NKAIN2: variants seen among roughly 807,000 people sequenced by gnomAD.
NKAIN2 encodes the protein sodium/potassium transporting ATPase interacting 2.
Under a neutral mutation model 32.6 loss-of-function variants are expected in NKAIN2, and 14 were observed. That is an observed-to-expected ratio of 0.43 (90% CI 0.28 to 0.67). The LOEUF (loss-of-function observed/expected upper bound fraction) is 0.67, where lower values mean the gene tolerates loss of function less well. Among genes scored for constraint, NKAIN2 ranks in the 30% least tolerant of loss-of-function variants. The pLI is 0.17. For synonymous variants in NKAIN2, 80 were observed against 87.2 expected, an observed-to-expected ratio of 0.92 and a Z score of 0.46; for missense variants, 198 against 258.3, an observed-to-expected ratio of 0.77 and a Z score of 1.60.
intron 4 of NKAIN2, among the ~76,000 whole-genome samples, chr6:124,675,950 A>G (rs1434053889): frequency 1.3e-5 from 2 of 151,076 alleles, no homozygotes; most frequent in African/African-American, 4.9e-5. Context: ...TTCTTTTTTA[A>G]TGTATGCATT....
intron 3 of NKAIN2, among the ~76,000 whole-genome samples, chr6:124,364,482 A>C (rs1337900143): frequency 6.6e-6 from 1 of 152,082 alleles, no homozygotes; most frequent in Non-Finnish European, 1.5e-5. Context: ...GAAACATTAA[A>C]AATCTAAATC....
At chr6:124,305,204 T>G (rs1796460507) in intron 2 of NKAIN2, among the ~76,000 whole-genome samples, 1 of 152,154 alleles carries the variant, frequency 6.6e-6, no homozygotes, top group East Asian at 1.9e-4. Flanking sequence ...TAAAAAATGT[T>G]TACAAGTGAC....
intron 1 of NKAIN2, among the ~76,000 whole-genome samples, chr6:124,213,421 A>G (rs1359884111): frequency 6.6e-6 from 1 of 152,104 alleles, no homozygotes; most frequent in Non-Finnish European, 1.5e-5. Flanking sequence ...TGTGCTTTCA[A>G]AACTGCACTA....
intron 3 of NKAIN2, among the ~76,000 whole-genome samples, chr6:124,528,487 A>C (rs1779402239): frequency 6.6e-6 from 1 of 152,194 alleles, no homozygotes; most frequent in South Asian, 2.1e-4. Context: ...CTTGAAGATA[A>C]TTGACTGTCA....
chr6:124,219,813 A>G (rs1190124224), intron 1 of NKAIN2, among the ~76,000 whole-genome samples: 1 of 152,152 alleles, frequency 6.6e-6, no homozygotes, highest in Non-Finnish European at 1.5e-5. Flanking sequence ...GTTTATTCCT[A>G]TATCCTTATA....
At chr6:124,574,428 G>A (rs1781252142) in intron 3 of NKAIN2, among the ~76,000 whole-genome samples, 1 of 152,074 alleles carries the variant, frequency 6.6e-6, no homozygotes, top group Admixed American at 6.5e-5. Flanking sequence ...GACCAGCCTG[G>A]CCAACGTGGC....
intron 1 of NKAIN2, among the ~76,000 whole-genome samples, chr6:123,862,028 C>T (rs1479134775): frequency 1.3e-5 from 2 of 152,142 alleles, no homozygotes; most frequent in Non-Finnish European, 1.5e-5. Context: ...ATTATTATTA[C>T]TACCACTGAC....
intron 1 of NKAIN2, among the ~76,000 whole-genome samples, chr6:123,886,382 A>G (rs181521636): frequency 6.6e-6 from 1 of 152,276 alleles, no homozygotes; most frequent in East Asian, 1.9e-4. Context: ...GAAGAATAGT[A>G]AAGAAGCACA....
At chr6:124,804,379 G>C (rs751871901) in intron 5 of NKAIN2, 26 of 331,414 alleles carry the variant, frequency 7.8e-5, no homozygotes, top group Non-Finnish European at 1.0e-4. Context: ...AGAACCAAAA[G>C]CTTAAAGTGA....
chr6:124,490,809 G>A (rs1415076), intron 3 of NKAIN2, among the ~76,000 whole-genome samples: 11,018 of 151,776 alleles, frequency 0.073, 424 homozygotes, highest in East Asian at 0.15. Flanking sequence ...TTATCTTCCT[G>A]TAAATGAGAG....
chr6:123,890,703 G>T (rs749399655), intron 1 of NKAIN2, among the ~76,000 whole-genome samples: 1 of 152,136 alleles, frequency 6.6e-6, no homozygotes, highest in Non-Finnish European at 1.5e-5. Context: ...CTAGCATGGG[G>T]AGAAATTGGA....
chr6:123,819,510 G>A (rs1773835661), intron 1 of NKAIN2, among the ~76,000 whole-genome samples: 1 of 152,134 alleles, frequency 6.6e-6, no homozygotes, highest in African/African-American at 2.4e-5. Context: ...TTCTGCTGGG[G>A]TCATCTTATT....
At chr6:124,651,448 T>A (rs1257883809) in intron 3 of NKAIN2, among the ~76,000 whole-genome samples, 1 of 152,226 alleles carries the variant, frequency 6.6e-6, no homozygotes, top group Non-Finnish European at 1.5e-5. Flanking sequence ...AGCAGGTTTC[T>A]GCCTGGGCCC....
chr6:124,386,003 G>T (rs1772883151), intron 3 of NKAIN2, among the ~76,000 whole-genome samples: 1 of 152,118 alleles, frequency 6.6e-6, no homozygotes, highest in Admixed American at 6.6e-5. Flanking sequence ...AGAACTGGGG[G>T]TCCTGGGAAT....
chr6:124,354,744 T>C (rs1474322313), intron 2 of NKAIN2, among the ~76,000 whole-genome samples: 1 of 151,892 alleles, frequency 6.6e-6, no homozygotes, highest in East Asian at 1.9e-4. Context: ...ATTATTCACT[T>C]TTAAAACAAT....
chr6:124,563,393 A>G (rs1304945811), intron 3 of NKAIN2, among the ~76,000 whole-genome samples: 1 of 152,178 alleles, frequency 6.6e-6, no homozygotes, highest in Non-Finnish European at 1.5e-5. Context: ...ATTTCTAATT[A>G]ATTTATAGTT....
At chr6:123,950,631 A>G (rs1001430613) in intron 1 of NKAIN2, among the ~76,000 whole-genome samples, 2 of 151,728 alleles carry the variant, frequency 1.3e-5, no homozygotes, top group African/African-American at 4.8e-5. Flanking sequence ...TTTGTATGGT[A>G]TCAGTTGTAA....
At chr6:123,881,116 G>A (rs576877260) in intron 1 of NKAIN2, among the ~76,000 whole-genome samples, 22 of 152,188 alleles carry the variant, frequency 1.4e-4, no homozygotes, top group African/African-American at 4.6e-4. Flanking sequence ...CCACCTCCCC[G>A]GTTCAAGCGA....
At chr6:124,083,106 C>T (rs1784047821) in intron 1 of NKAIN2, among the ~76,000 whole-genome samples, 2 of 151,088 alleles carry the variant, frequency 1.3e-5, no homozygotes, top group Non-Finnish European at 2.9e-5. Context: ...ATACGTATAC[C>T]AAAGGAACTA....
Sources: allele counts gnomAD v4.1 joint callset (sites outside exome capture counted in the v4.1 genomes callset), GRCh38; gene constraint gnomAD v4.1.1; transcripts MANE v1.5; gene names NCBI Gene and HGNC (gene_info 2026-07-23, HGNC 2026-07-21).